Variants in ELMO1 observed in about 807,000 individuals in gnomAD.
The protein encoded by ELMO1 is engulfment and cell motility 1, also known as engulfment and cell motility protein 1.
Under a neutral mutation model 98.9 loss-of-function variants are expected in ELMO1, and 26 were observed. The observed-to-expected ratio is 0.26, with a 90% CI of 0.19 to 0.36. The LOEUF (loss-of-function observed/expected upper bound fraction) is 0.36. ELMO1 is among the 10% of genes least tolerant of loss of function. The pLI is 1.00. For synonymous variants in ELMO1, 346 were observed against 346.0 expected, an observed-to-expected ratio of 1.00 and a Z score of 0.00; for missense variants, 627 against 935.2, an observed-to-expected ratio of 0.67 and a Z score of 4.30.
intron 10 of ELMO1, among the ~76,000 whole-genome samples, chr7:37,218,655 C>T (rs530171769): frequency 1.3e-5 from 2 of 152,050 alleles, no homozygotes; most frequent in African/African-American, 4.8e-5. Context: ...AAGATGTCCA[C>T]AAAATATTGT....
intron 5 of ELMO1, among the ~76,000 whole-genome samples, chr7:37,265,693 G>A (rs1419606615): frequency 6.6e-6 from 1 of 151,944 alleles, no homozygotes; most frequent in Non-Finnish European, 1.5e-5. Flanking sequence ...CCTCCTCCTT[G>A]AAACACTTTG....
intron 16 of ELMO1, among the ~76,000 whole-genome samples, chr7:36,919,158 C>G (rs777873482): frequency 6.6e-6 from 1 of 152,166 alleles, no homozygotes; most frequent in African/African-American, 2.4e-5. Context: ...TAAATATGCA[C>G]CTTGGGTTGC....
At chr7:36,898,118 C>T (rs1167569297) in intron 16 of ELMO1, among the ~76,000 whole-genome samples, 1 of 152,238 alleles carries the variant, frequency 6.6e-6, no homozygotes, top group Non-Finnish European at 1.5e-5. Context: ...ATAAGTCAAA[C>T]ATTCCTCTGT....
intron 16 of ELMO1, among the ~76,000 whole-genome samples, chr7:37,004,938 G>A (rs1412519832): frequency 6.6e-6 from 1 of 151,372 alleles, no homozygotes; most frequent in African/African-American, 2.4e-5. Context: ...GTGAAACCTC[G>A]TCTCTACTAA....
intron 4 of ELMO1, among the ~76,000 whole-genome samples, chr7:37,275,087 G>A (rs1796760389): frequency 6.6e-6 from 1 of 152,226 alleles, no homozygotes; most frequent in African/African-American, 2.4e-5. Flanking sequence ...AACCCAGGTA[G>A]TCTGACAACA....
At chr7:37,383,899 T>G (rs1011864089) in intron 1 of ELMO1, among the ~76,000 whole-genome samples, 2 of 152,164 alleles carry the variant, frequency 1.3e-5, no homozygotes, top group Non-Finnish European at 2.9e-5. Flanking sequence ...CACTGCAAGC[T>G]CCGCATCCCC....
intron 1 of ELMO1, among the ~76,000 whole-genome samples, chr7:37,443,258 A>G (rs1287034801): frequency 6.6e-6 from 1 of 152,176 alleles, no homozygotes; most frequent in East Asian, 1.9e-4. Context: ...AGTGTTTTCT[A>G]CTGAGGAAAG....
At chr7:36,883,987 GGT>G (rs1301811080) in intron 18 of ELMO1, among the ~76,000 whole-genome samples, 10 of 152,072 alleles carry the variant, frequency 6.6e-5, no homozygotes, top group Non-Finnish European at 1.0e-4. Context: ...GAGTGATGCA[GGT>G]GTGTGGGCTC....
At chr7:37,254,956 C>T (rs1367099780) in intron 6 of ELMO1, among the ~76,000 whole-genome samples, 2 of 152,212 alleles carry the variant, frequency 1.3e-5, no homozygotes, top group African/African-American at 4.8e-5. Context: ...ATCTTTTGGA[C>T]TGTTCTGCAG....
At chr7:37,058,574 G>A (rs998235448) in intron 15 of ELMO1, among the ~76,000 whole-genome samples, 1 of 152,128 alleles carries the variant, frequency 6.6e-6, no homozygotes, top group African/African-American at 2.4e-5. Flanking sequence ...GTACTGACGC[G>A]AAATGATTCT....
At chr7:36,897,427 G>C (rs1281902080) in intron 16 of ELMO1, among the ~76,000 whole-genome samples, 2 of 151,226 alleles carry the variant, frequency 1.3e-5, no homozygotes, top group South Asian at 2.1e-4. Context: ...GGTTACAAGA[G>C]CCTTTTCTTT....
intron 16 of ELMO1, among the ~76,000 whole-genome samples, chr7:36,909,973 T>C (rs1456889321): frequency 6.6e-6 from 1 of 152,114 alleles, no homozygotes; most frequent in Non-Finnish European, 1.5e-5. Flanking sequence ...TCAAAAAGTG[T>C]CTCTTATCAA....
intron 15 of ELMO1, among the ~76,000 whole-genome samples, chr7:37,086,040 C>T (rs191310332): frequency 1.0e-3 from 157 of 152,296 alleles, no homozygotes; most frequent in African/African-American, 3.6e-3. Context: ...AAGAATTAGG[C>T]GGCAGTGCGT....
intron 14 of ELMO1, among the ~76,000 whole-genome samples, chr7:37,127,888 A>G (rs1294817368): frequency 6.6e-6 from 1 of 152,146 alleles, no homozygotes; most frequent in African/African-American, 2.4e-5. Flanking sequence ...GAATAAAATT[A>G]AATACATCAA....
chr7:37,375,000 G>A lies in ELMO1; in HGVS notation c.-73-32237C>T, dbSNP rs891586683. Among the ~76,000 whole-genome samples, 6 of 150,892 alleles carry A rather than the reference G, an allele frequency of 4.0e-5. No homozygotes were observed. The East Asian group carries it at 9.9e-4, about 25-fold the overall frequency. On this transcript the variant is annotated intron_variant, in intron 1 of 21. Transcript: ENST00000310758. ...CTTGAACCCAGGAGGTGGAGGTTGC[G>A]GTGGGCTGAGATCACACCACTGCAC...
At position 37,192,036 on chromosome 7, in the gene ELMO1, G is replaced by T. The variant is rs1284332681; in HGVS notation, c.1086+19350C>A. Among the ~76,000 whole-genome samples the T allele has an allele frequency of 2.0e-5, 3 of 152,254 alleles. No individual in the cohort carries two copies. The South Asian group carries it at 6.2e-4, about 31-fold the overall frequency. On this transcript the variant is annotated intron_variant, in intron 13 of 21. Coordinates refer to ENST00000310758, the MANE Select transcript of ELMO1 (RefSeq NM_014800.11). ...GTCAGTCTCCACTGTGTAAAGGACAGAGTTCACAGAAGAAGAAGAAAGATG... is the reference window on the plus strand; with the variant it reads ...GTCAGTCTCCACTGTGTAAAGGACATAGTTCACAGAAGAAGAAGAAAGATG...
intron 13 of ELMO1, among the ~76,000 whole-genome samples, chr7:37,142,671 T>G (rs1424551933): frequency 6.6e-6 from 1 of 152,236 alleles, no homozygotes; most frequent in African/African-American, 2.4e-5. Context: ...AAATGTAGGC[T>G]AATCAATATT....
Position 37,141,531 on chromosome 7 carries a change from A to AC in ELMO1, c.1087-8298dup, listed in dbSNP as rs1318802613. On this transcript the variant is annotated intron_variant, in intron 13 of 21. Transcript: ENST00000310758. ...ACCCTACTGAAATAAACCAAAAAAA[A>AC]CTGAAAATAAGAAAATTTAAAAATT... is the stretch of plus-strand genomic sequence containing the variant. Among the ~76,000 whole-genome samples, 11 of 152,046 alleles carry AC rather than the reference A, an allele frequency of 7.2e-5. 1 individual carries two copies. Among genetic ancestry groups the AC allele is most frequent in the African/African-American group, 2.4e-5 (1 of 41,450 alleles).
intron 13 of ELMO1, among the ~76,000 whole-genome samples, chr7:37,201,034 G>A (rs1792265653): frequency 6.6e-6 from 1 of 151,958 alleles, no homozygotes. Context: ...AGAAAAGAAT[G>A]CTCAAGAGGC....
Sources: gnomAD v4.1 joint callset for allele counts (sites outside exome capture counted in the v4.1 genomes callset) on GRCh38, gnomAD v4.1.1 for gene constraint, MANE v1.5 for transcripts, NCBI Gene and HGNC (gene_info 2026-07-23, HGNC 2026-07-21) for gene names.